The following MAOB variants were observed in gnomAD, a reference collection of about 807,000 sequenced individuals.
The protein encoded by MAOB is amine oxidase [flavin-containing] B.
A neutral mutation model predicts 41.9 loss-of-function variants in MAOB; 15 were observed. The ratio of observed to expected loss-of-function variants is 0.36; its 90% CI spans 0.24 to 0.55. The LOEUF (loss-of-function observed/expected upper bound fraction) is 0.55. MAOB is among the 20% of genes least tolerant of loss of function. The probability of loss-of-function intolerance (pLI) is 0.86; values close to 1 mark genes in which losing one functional copy is unlikely to be tolerated. For missense variants in MAOB, 345 were observed against 398.7 expected (o/e 0.87, Z 1.15); for synonymous variants, 167 against 144.2 (o/e 1.16, Z -1.13).
intron 1 of MAOB, among the ~76,000 whole-genome samples, chrX:43,870,622 C>A (rs1006314086): frequency 7.4e-5 from 8 of 107,909 alleles, no homozygotes; most frequent in Non-Finnish European, 1.3e-4. Flanking sequence ...GGTGAAACTG[C>A]GTCTCTACTA....
intron 11 of MAOB, among the ~76,000 whole-genome samples, chrX:43,777,909 C>T (rs1201780375): frequency 9.0e-6 from 1 of 111,536 alleles, no homozygotes; most frequent in African/African-American, 3.3e-5. Context: ...ATGAGAACAC[C>T]AATTCATCAT....
chrX:43,859,245 T>C (rs2035316927), intron 1 of MAOB, among the ~76,000 whole-genome samples: 1 of 111,556 alleles, frequency 9.0e-6, no homozygotes, highest in Non-Finnish European at 1.9e-5. Context: ...CCAGGTGTTT[T>C]TTTTCTGTCG....
intron 11 of MAOB, 141 bp from the exon 12 acceptor site, chrX:43,775,413 AG>A: frequency 1.0e-6 from 1 of 993,827 alleles, no homozygotes; most frequent in East Asian, 3.9e-5. Context: ...ATGTTTTTAA[AG>A]ATATGTCTTT....
chrX:43,781,125 A>G (rs2034326466), intron 9 of MAOB, among the ~76,000 whole-genome samples: 2 of 110,870 alleles, frequency 1.8e-5, no homozygotes, highest in Admixed American at 1.9e-4. Flanking sequence ...TTAGTAAAAC[A>G]CCCCAAGTCA....
intron 10 of MAOB, among the ~76,000 whole-genome samples, chrX:43,779,262 GA>G (rs1374625136): frequency 2.7e-5 from 3 of 111,945 alleles, no homozygotes; most frequent in African/African-American, 9.7e-5. Flanking sequence ...AACCCACAGG[GA>G]AAAGACAGTT....
At chrX:43,845,510 G>A (rs2035190874) in intron 1 of MAOB, among the ~76,000 whole-genome samples, 2 of 111,782 alleles carry the variant, frequency 1.8e-5, no homozygotes, top group Admixed American at 9.5e-5. Flanking sequence ...TTTTATGGCC[G>A]AGAAAATCGA....
intron 1 of MAOB, among the ~76,000 whole-genome samples, chrX:43,868,477 C>T (rs1286860634): frequency 9.0e-6 from 1 of 111,549 alleles, no homozygotes; most frequent in Non-Finnish European, 1.9e-5. Flanking sequence ...GAGAAAGGAA[C>T]AAGGGGAGAG....
intron 8 of MAOB, among the ~76,000 whole-genome samples, chrX:43,790,760 T>C: frequency 9.0e-6 from 1 of 110,811 alleles, no homozygotes. Context: ...AATCATTTTT[T>C]AAAAGTCTTA....
At chrX:43,876,831 C>T (rs1390264270) in intron 1 of MAOB, among the ~76,000 whole-genome samples, 2 of 112,256 alleles carry the variant, frequency 1.8e-5, no homozygotes, top group Non-Finnish European at 3.8e-5. Context: ...TAATGTTCTC[C>T]GAGTGTGCAT....
At chrX:43,874,597 C>G (rs1192134850) in intron 1 of MAOB, among the ~76,000 whole-genome samples, 2 of 111,464 alleles carry the variant, frequency 1.8e-5, no homozygotes, top group East Asian at 5.7e-4. Context: ...ATCCTGCCCC[C>G]CTCCTACTAA....
chrX:43,810,059 C>T (rs1011442582), intron 3 of MAOB, among the ~76,000 whole-genome samples: 11 of 97,729 alleles, frequency 1.1e-4, no homozygotes, highest in Non-Finnish European at 1.9e-4. Flanking sequence ...CTGGCTAACA[C>T]GGTGAAACCC....
At chrX:43,793,984 C>G (rs768501610) in intron 7 of MAOB, among the ~76,000 whole-genome samples, 14 of 112,055 alleles carry the variant, frequency 1.2e-4, no homozygotes, top group Non-Finnish European at 2.3e-4. Flanking sequence ...TCAAGCGATT[C>G]TCCTGCCTCA....
At chrX:43,846,364 A>G (rs1302229847) in intron 1 of MAOB, among the ~76,000 whole-genome samples, 1 of 112,693 alleles carries the variant, frequency 8.9e-6, no homozygotes, top group Admixed American at 9.4e-5. Flanking sequence ...AAAACAAACA[A>G]AAGACTTATC....
At chrX:43,772,431 G>C (rs2034196699) in intron 12 of MAOB, among the ~76,000 whole-genome samples, 1 of 111,682 alleles carries the variant, frequency 9.0e-6, no homozygotes, top group Admixed American at 9.5e-5. Context: ...CAAACCAAAA[G>C]GTATTTATGA....
rs148444612 is a variant in MAOB, at chrX:43,786,653, A to G, written c.929-5109T>C. Among the ~76,000 whole-genome samples the G allele has an allele frequency of 6.6e-3, 743 of 112,228 alleles. 8 individuals carry two copies. The highest frequency in any genetic ancestry group is 9.8e-3 in the Non-Finnish European group (521 of 53,258). On this transcript the variant is annotated intron_variant, in intron 8 of 14. Transcript: ENST00000378069. ...TATAAGAAGGCAAGAGAGAGAGCAG[A>G]CAAATAGGACAAGATCTGATCAAAG...
intron 2 of MAOB, among the ~76,000 whole-genome samples, chrX:43,841,208 T>C (rs1205771259): frequency 9.0e-6 from 1 of 111,641 alleles, no homozygotes; most frequent in Middle Eastern, 4.2e-3. Flanking sequence ...TGTATGGAAG[T>C]AGGGCATTTC....
chrX:43,843,651 C>A lies in MAOB; in HGVS notation c.141+19G>T. The A allele has an allele frequency of 1.7e-6, 2 of 1,199,036 alleles. No individual in the cohort carries two copies. Among genetic ancestry groups the A allele is most frequent in the Non-Finnish European group, 2.2e-6 (2 of 889,376 alleles). ...CAGCTTCAGTCCCACATTTGTCCTC[C>A]GGATTCTTAATGCCTTACCCTAAGA... On this transcript the variant is annotated intron_variant, in intron 2 of 14. Coordinates refer to ENST00000378069, the MANE Select transcript of MAOB (RefSeq NM_000898.5).
chrX:43,864,581 A>G (rs2035353752), intron 1 of MAOB, among the ~76,000 whole-genome samples: 2 of 111,674 alleles, frequency 1.8e-5, no homozygotes, highest in Admixed American at 1.9e-4. Flanking sequence ...TCCTGCCAAT[A>G]TGATATCTTA....
chrX:43,872,445 T>C (rs1328568091), intron 1 of MAOB, among the ~76,000 whole-genome samples: 1 of 111,846 alleles, frequency 8.9e-6, no homozygotes, highest in East Asian at 2.8e-4. Flanking sequence ...ATTATTACAA[T>C]TCCATCATAA....
Sources: allele counts gnomAD v4.1 joint callset (sites outside exome capture counted in the v4.1 genomes callset), GRCh38; gene constraint gnomAD v4.1.1; transcripts MANE v1.5; gene names NCBI Gene and HGNC (gene_info 2026-07-23, HGNC 2026-07-21).